DDX10: variants seen among roughly 807,000 people sequenced by gnomAD.
DDX10 encodes DEAD-box helicase 10, also known as probable ATP-dependent RNA helicase DDX10.
Under a neutral mutation model 104.3 loss-of-function variants are expected in DDX10, and 74 were observed. That is an observed-to-expected ratio of 0.71 (90% CI 0.59 to 0.86). The LOEUF (loss-of-function observed/expected upper bound fraction) is 0.86. DDX10 is among the 40% of genes least tolerant of loss of function. The pLI is 0.00. For missense variants in DDX10, 952 were observed against 1,040.0 expected, an observed-to-expected ratio of 0.92 and a Z score of 1.16; for synonymous variants, 351 against 353.4, an observed-to-expected ratio of 0.99 and a Z score of 0.08.
Position 108,887,467 on chromosome 11 carries a change from T to TA in DDX10, c.2305-30397dup, listed in dbSNP as rs528986112. Among the ~76,000 whole-genome samples, 58 of 149,600 alleles carry TA rather than the reference T, an allele frequency of 3.9e-4. No homozygotes were observed. The South Asian group carries it at 7.2e-3, about 19-fold the overall frequency. ...TTCTAGTTCTGTCATTTTTTTTTCT[T>TA]AAAAAAAAAGAAAAAACTGTGGTAC... On this transcript the variant is annotated intron_variant, in intron 16 of 17. Coordinates refer to ENST00000322536, the MANE Select transcript of DDX10 (RefSeq NM_004398.4).
chr11:108,936,371 C>T (rs753162564), intron 17 of DDX10, among the ~76,000 whole-genome samples: 1 of 152,266 alleles, frequency 6.6e-6, no homozygotes, highest in African/African-American at 2.4e-5. Context: ...GGCGTACCTA[C>T]TCTGTATGCT....
rs779349091 is a variant in DDX10 at position 108,715,967 on chromosome 11, G to A, written c.1410+1G>A. The A allele has an allele frequency of 2.9e-5, 44 of 1,502,392 alleles. No individual in the cohort carries two copies. The highest frequency in any genetic ancestry group is 4.0e-5 in the Non-Finnish European group (43 of 1,085,130). The allele number at this position is 1,502,392 out of a possible 1,614,324, so 93.1% of individuals were successfully genotyped here. Reference sequence around the variant, plus strand: ...AGATTTAAAAGAAAGAGCTCAAAGGGTAAGTCATTTTTCAGTTGGATACTT... The same window carrying A: ...AGATTTAAAAGAAAGAGCTCAAAGGATAAGTCATTTTTCAGTTGGATACTT... On this transcript the variant is annotated splice_donor_variant, in intron 11 of 17. Transcript: ENST00000322536. LOFTEE classifies it high-confidence loss of function.
intron 16 of DDX10, among the ~76,000 whole-genome samples, chr11:108,898,521 AAGAC>A (rs1205175759): frequency 6.6e-6 from 1 of 152,136 alleles, no homozygotes; most frequent in Non-Finnish European, 1.5e-5. Flanking sequence ...ATGACACAGA[AAGAC>A]AGAGACAGCT....
At chr11:108,812,114 C>T (rs992404661) in intron 13 of DDX10, among the ~76,000 whole-genome samples, 22 of 152,112 alleles carry the variant, frequency 1.4e-4, no homozygotes, top group African/African-American at 4.8e-4. Flanking sequence ...TGATAGCCTG[C>T]AACCAGTCTG....
At chr11:108,826,725 C>T (rs1390642883) in intron 13 of DDX10, among the ~76,000 whole-genome samples, 1 of 152,156 alleles carries the variant, frequency 6.6e-6, no homozygotes, top group Non-Finnish European at 1.5e-5. Flanking sequence ...TGGAGGTGAT[C>T]ACATCCGCAT....
chr11:108,816,797 GCT>G (rs1862261864), intron 13 of DDX10, among the ~76,000 whole-genome samples: 1 of 151,956 alleles, frequency 6.6e-6, no homozygotes, highest in South Asian at 2.1e-4. Context: ...CAGGTGATCC[GCT>G]CTCTTTGGCT....
At position 108,715,961 on chromosome 11, in the gene DDX10, C is replaced by T. The variant is rs757543588; in HGVS notation, c.1405C>T (p.Gln469Ter). 4 of 1,522,686 alleles carry T rather than the reference C, an allele frequency of 2.6e-6. No homozygotes were observed. Among genetic ancestry groups the T allele is most frequent in the Non-Finnish European group, 3.6e-6 (4 of 1,103,164 alleles). The allele number at this position is 1,522,686 out of a possible 1,614,324, so 94.3% of individuals were successfully genotyped here. ...AQDQDLKERA[Q>*]RCFVSYVRSV... is the part of the protein sequence containing the mutation. Reference sequence around the variant, plus strand: ...AGATCAAGATTTAAAAGAAAGAGCTCAAAGGGTAAGTCATTTTTCAGTTGG... The same window carrying T: ...AGATCAAGATTTAAAAGAAAGAGCTTAAAGGGTAAGTCATTTTTCAGTTGG... Residue 469 changes from glutamine to a stop codon, truncating the protein, a stop_gained, in exon 11 of 18, where the codon CAA becomes TAA. Transcript: ENST00000322536. LOFTEE classifies it high-confidence loss of function.
chr11:108,870,354 T>A (rs576005358), intron 16 of DDX10, among the ~76,000 whole-genome samples: 2 of 152,292 alleles, frequency 1.3e-5, no homozygotes, highest in Non-Finnish European at 1.5e-5. Context: ...TAAAAGTAAG[T>A]CGCATATTAT....
At chr11:108,838,873 A>G (rs1052718300) in intron 14 of DDX10, among the ~76,000 whole-genome samples, 1 of 152,228 alleles carries the variant, frequency 6.6e-6, no homozygotes, top group Non-Finnish European at 1.5e-5. Flanking sequence ...TGGAACAGAC[A>G]TGAGAATGCT....
chr11:108,767,747 A>G lies in DDX10; in HGVS notation c.1965+44285A>G, dbSNP rs563730411. ...TGTGGAACTGCCTATATAATCCTGGACATATACAGTTGACTCTTGAATAAC... is the reference window on the plus strand; with the variant it reads ...TGTGGAACTGCCTATATAATCCTGGGCATATACAGTTGACTCTTGAATAAC... On this transcript the variant is annotated intron_variant, in intron 13 of 17. Transcript: ENST00000322536. Among the ~76,000 whole-genome samples, 12 of 152,290 alleles carry G rather than the reference A, an allele frequency of 7.9e-5. No homozygotes were observed. The South Asian group carries it at 2.5e-3, about 32-fold the overall frequency.
At chr11:108,673,367 C>A in intron 1 of DDX10, 100 bp from the exon 2 acceptor site, 1 of 765,544 alleles carries the variant, frequency 1.3e-6, no homozygotes, top group Non-Finnish European at 2.2e-6. Context: ...TGAATTCAAC[C>A]CTGAATTACC....
At position 108,746,038 on chromosome 11, in the gene DDX10, G is replaced by A. The variant is rs1009883087; in HGVS notation, c.1965+22576G>A. 7.9e-5 allele frequency among the ~76,000 whole-genome samples: 12 copies of A among 152,198 alleles called. No individual in the cohort carries two copies. The East Asian group carries it at 2.3e-3, about 29-fold the overall frequency. ...GAATGTTTTTTATCACTTCCAAAAA[G>A]AACTCTACACCCTTTAAGCTATTAC... On this transcript the variant is annotated intron_variant, in intron 13 of 17. Transcript: ENST00000322536.
At chr11:108,712,046 TTA>T (rs2094285156) in intron 10 of DDX10, among the ~76,000 whole-genome samples, 1 of 152,258 alleles carries the variant, frequency 6.6e-6, no homozygotes, top group African/African-American at 2.4e-5. Flanking sequence ...TTCTTTATCA[TTA>T]TGTCATGCCA....
chr11:108,751,533 G>A (rs915527822), intron 13 of DDX10, among the ~76,000 whole-genome samples: 1 of 151,776 alleles, frequency 6.6e-6, no homozygotes, highest in African/African-American at 2.4e-5. Flanking sequence ...CTAATCCAAT[G>A]TATAATCCAA....
chr11:108,933,773 A>G (rs774398141), intron 17 of DDX10, among the ~76,000 whole-genome samples: 4 of 152,224 alleles, frequency 2.6e-5, no homozygotes, highest in South Asian at 2.1e-4. Context: ...AAAATGAATC[A>G]TCTATGCTGC....
At chr11:108,862,754 C>T (rs1419030365) in intron 16 of DDX10, among the ~76,000 whole-genome samples, 1 of 152,144 alleles carries the variant, frequency 6.6e-6, no homozygotes, top group African/African-American at 2.4e-5. Context: ...CTACTATAAA[C>T]TTATGAGGTG....
chr11:108,894,352 T>A (rs1216947563), intron 16 of DDX10, among the ~76,000 whole-genome samples: 6 of 152,070 alleles, frequency 3.9e-5, no homozygotes, highest in Admixed American at 6.5e-5. Context: ...ACGTTCATCC[T>A]TTCTAATACA....
chr11:108,911,492 A>G (rs906991880), intron 16 of DDX10, among the ~76,000 whole-genome samples: 1 of 150,906 alleles, frequency 6.6e-6, no homozygotes, highest in South Asian at 2.1e-4. Flanking sequence ...TAAGGGCACT[A>G]ATCTCATTCA....
intron 3 of DDX10, among the ~76,000 whole-genome samples, 176 bp from the exon 4 acceptor site, chr11:108,676,909 G>C (rs879701872): frequency 2.0e-5 from 3 of 152,002 alleles, no homozygotes; most frequent in Admixed American, 1.3e-4. Flanking sequence ...CTCTGAGTTG[G>C]GGGTGGATGG....
Sources: allele counts gnomAD v4.1 joint callset (sites outside exome capture counted in the v4.1 genomes callset), GRCh38; gene constraint gnomAD v4.1.1; transcripts MANE v1.5; gene names NCBI Gene and HGNC (gene_info 2026-07-23, HGNC 2026-07-21).